Variants in FAM83E observed in about 807,000 individuals in gnomAD.
The protein encoded by FAM83E is protein FAM83E.
Under a neutral mutation model 34.3 loss-of-function variants are expected in FAM83E, and 29 were observed. The ratio of observed to expected loss-of-function variants is 0.85; its 90% CI spans 0.63 to 1.15. FAM83E has a LOEUF of 1.15. Ranked by LOEUF, FAM83E falls within the 50% of genes most tolerant of loss-of-function variation. The pLI is 0.00. For synonymous variants in FAM83E, 312 were observed against 311.6 expected (o/e 1.00, Z -0.01); for missense variants, 697 against 685.0 (o/e 1.02, Z -0.20).
chr19:48,603,192 T>G (rs1315248841), intron 6 of FAM83E, among the ~76,000 whole-genome samples: 1 of 152,084 alleles, frequency 6.6e-6, no homozygotes, highest in Non-Finnish European at 1.5e-5. Context: ...CCTTCCTAGA[T>G]GAGGATACCG....
intron 5 of FAM83E, chr19:48,607,408 TC>T (rs1973954756): frequency 2.7e-6 from 4 of 1,507,960 alleles, no homozygotes; most frequent in Non-Finnish European, 2.7e-6. Context: ...ACTCCCCATG[TC>T]CCCATGTCCT....
rs267605566 is a variant in FAM83E, at chr19:48,603,496, C to G, written c.1174G>C (p.Glu392Gln). 2 of 1,564,892 alleles carry G rather than the reference C, an allele frequency of 1.3e-6. No individual in the cohort carries two copies. The highest frequency in any genetic ancestry group is 1.4e-5 in the African/African-American group (1 of 71,560). Reference protein sequence around the residue: ...QLSGSSDGDNELKKSWGSKDT... With the variant: ...QLSGSSDGDNQLKKSWGSKDT... Reference sequence around the variant, plus strand: ...TGGCACCAGCCACAAGGTCTCACCTCGTTGTCCCCATCACTGGAGCCAGAC... The same window carrying G: ...TGGCACCAGCCACAAGGTCTCACCTGGTTGTCCCCATCACTGGAGCCAGAC... The change falls in exon 6 of 7, where the codon GAG (glutamate) becomes CAG (glutamine). Residue 392 changes from glutamate (E) to glutamine (Q), a missense_variant and splice_region_variant. Coordinates refer to ENST00000263266, the MANE Select transcript of FAM83E (RefSeq NM_017708.4).
rs200129085 is a variant in FAM83E, at chr19:48,609,928, G to A, written c.706C>T (p.Arg236Trp). 34 of 1,612,872 alleles carry A rather than the reference G, an allele frequency of 2.1e-5. No homozygotes were observed. Among genetic ancestry groups the A allele is most frequent in the Non-Finnish European group, 2.9e-5 (34 of 1,179,962 alleles). The change falls in exon 5 of 7, where the codon CGG becomes TGG. Residue 236 changes from arginine (R) to tryptophan (W), a missense_variant. Arg to Trp is a moderately radical substitution (Grantham distance 101). Coordinates refer to ENST00000263266, the MANE Select transcript of FAM83E (RefSeq NM_017708.4). ...RWRRQVSGTV[R>W]EKFVLLDGER... ...CCGTCCAGCAGCACAAACTTCTCCC[G>A]CACGGTGCCGCTCACCTGCCGTCGC...
intron 3 of FAM83E, 151 bp from the exon 4 acceptor site, chr19:48,610,998 C>A: frequency 1.4e-6 from 1 of 728,826 alleles, no homozygotes. Flanking sequence ...GGGGAGACCC[C>A]CAGACATACA....
intron 4 of FAM83E, 89 bp from the exon 5 acceptor site, chr19:48,610,089 C>T: frequency 6.7e-7 from 1 of 1,500,184 alleles, no homozygotes; most frequent in Non-Finnish European, 9.0e-7. Context: ...ACTGGGGGAC[C>T]CATGACTCCA....
chr19:48,606,719 C>T (rs1228294291), intron 5 of FAM83E: 6 of 528,650 alleles, frequency 1.1e-5, no homozygotes, highest in Non-Finnish European at 2.0e-5. Flanking sequence ...AGTGGGAACC[C>T]TGAGGGATCT....
Position 48,614,096 on chromosome 19 carries a change from A to C in FAM83E, c.-724T>G, listed in dbSNP as rs1000942849. On this transcript the variant is annotated 5_prime_UTR_variant, in exon 3 of 7. Coordinates refer to ENST00000263266, the MANE Select transcript of FAM83E (RefSeq NM_017708.4). ...CGCAGACCAGCCAGGATGCCTCTCCACTGGGCCTGCTCGCTCAGCCTTAAA... is the reference window on the plus strand; with the variant it reads ...CGCAGACCAGCCAGGATGCCTCTCCCCTGGGCCTGCTCGCTCAGCCTTAAA... 9 of 985,558 alleles carry C rather than the reference A, an allele frequency of 9.1e-6. No homozygotes were observed. In the Admixed American group the frequency reaches 4.3e-4, roughly 47 times the overall value. 61.1% of individuals were successfully genotyped at this position (985,558 alleles called of 1,614,324 possible).
rs939479365 is a variant in FAM83E, at chr19:48,601,091, T to C, written c.*18A>G. 6.3e-7 allele frequency: 1 copy of C among 1,597,688 alleles called. No homozygotes were observed. The highest frequency in any genetic ancestry group is 1.8e-5 in the Admixed American group (1 of 56,844). Reference sequence around the variant, plus strand: ...ACTGCTCCTTGGGTGGGCCAGCAGATTTGGCTTGGGCTCCTGTTCAGGGTT... The same window carrying C: ...ACTGCTCCTTGGGTGGGCCAGCAGACTTGGCTTGGGCTCCTGTTCAGGGTT... On this transcript the variant is annotated 3_prime_UTR_variant, in exon 7 of 7. Transcript: ENST00000263266.
intron 5 of FAM83E, chr19:48,607,342 C>G: frequency 6.3e-7 from 1 of 1,589,094 alleles, no homozygotes; most frequent in East Asian, 2.3e-5. Flanking sequence ...GCTTCCTCCA[C>G]GTTTGCTGTG....
chr19:48,606,425 A>C (rs940007869), intron 5 of FAM83E, among the ~76,000 whole-genome samples: 6 of 150,640 alleles, frequency 4.0e-5, no homozygotes, highest in Non-Finnish European at 5.9e-5. Context: ...CCTGGCTCTC[A>C]TCCTGGCTCG....
chr19:48,611,170 G>GTTTTTTTTTT (rs1352374027), intron 3 of FAM83E, among the ~76,000 whole-genome samples: 1 of 125,726 alleles, frequency 8.0e-6, no homozygotes, highest in African/African-American at 2.8e-5. Context: ...GTTGTTTTTT[G>GTTTTTTTTTT]TTGTTTTTTT....
At chr19:48,611,964 A>C (rs1317119217) in intron 3 of FAM83E, among the ~76,000 whole-genome samples, 1 of 152,098 alleles carries the variant, frequency 6.6e-6, no homozygotes, top group Non-Finnish European at 1.5e-5. Context: ...ACCGTGGCGA[A>C]CTTGGGGGAC....
intron 5 of FAM83E, chr19:48,606,681 C>T: frequency 2.5e-6 from 1 of 406,196 alleles, no homozygotes; most frequent in Non-Finnish European, 4.5e-6. Context: ...CCACTCCTCT[C>T]ACCTATGACC....
intron 5 of FAM83E, chr19:48,606,817 G>A (rs1035930964): frequency 3.8e-5 from 32 of 832,380 alleles, no homozygotes; most frequent in African/African-American, 1.7e-4. Flanking sequence ...GACGCAGGGC[G>A]TTGGGAACAG....
chr19:48,611,355 AGATGGGCTTTCACCGTGTTAGCCAG>A (rs1974039305), intron 3 of FAM83E, among the ~76,000 whole-genome samples: 1 of 150,678 alleles, frequency 6.6e-6, no homozygotes, highest in African/African-American at 2.4e-5. Context: ...TTTTTAGTAG[AGATGGGCTTTCACCGTGTTAGCCAG>A]GATGGTCTCG....
chr19:48,607,089 C>G (rs1300657982), intron 5 of FAM83E: 1 of 1,613,158 alleles, frequency 6.2e-7, no homozygotes, highest in Non-Finnish European at 8.5e-7. Flanking sequence ...GTCCTGGTAC[C>G]TACATGCACT....
chr19:48,608,151 C>A (rs1022393980), intron 5 of FAM83E, among the ~76,000 whole-genome samples: 1 of 151,428 alleles, frequency 6.6e-6, no homozygotes. Flanking sequence ...GCTCTGCTGC[C>A]CAGGCTGGAG....
chr19:48,602,282 G>A (rs148463326), intron 6 of FAM83E, among the ~76,000 whole-genome samples: 1 of 151,316 alleles, frequency 6.6e-6, no homozygotes, highest in Non-Finnish European at 1.5e-5. Flanking sequence ...GAGGGTGAAA[G>A]GGGAAGGATG....
chr19:48,605,748 A>G (rs894181032), intron 5 of FAM83E, among the ~76,000 whole-genome samples: 2 of 151,798 alleles, frequency 1.3e-5, no homozygotes, highest in Non-Finnish European at 2.9e-5. Context: ...ATGGGGTTTT[A>G]CCACGTTGGC....
Sources: allele counts gnomAD v4.1 joint callset (sites outside exome capture counted in the v4.1 genomes callset), GRCh38; gene constraint gnomAD v4.1.1; transcripts MANE v1.5; gene names NCBI Gene and HGNC (gene_info 2026-07-23, HGNC 2026-07-21).